LHPP: variants seen among roughly 807,000 people sequenced by gnomAD.
The protein encoded by LHPP is hLHPP.
LHPP carries 24 observed loss-of-function variants against 30.3 expected under a neutral mutation model. The ratio of observed to expected loss-of-function variants is 0.79; its 90% CI spans 0.57 to 1.11. The LOEUF (loss-of-function observed/expected upper bound fraction) is 1.11, where lower values mean the gene tolerates loss of function less well. Ranked by LOEUF, LHPP falls within the 50% of genes most tolerant of loss-of-function variation. The pLI is 0.00. For synonymous variants in LHPP, 150 were observed against 157.1 expected (o/e 0.95, Z 0.34); for missense variants, 356 against 367.2 (o/e 0.97, Z 0.25).
rs1475912927 is a variant in LHPP, at chr10:124,496,979, C to T, written c.486C>T (p.Thr162=). ...SLGKGRYYKE[T]SGLMLDVGPY... is the part of the protein sequence containing the mutation. ...CTCCTAGGCGTTACTACAAGGAGAC[C>T]TCTGGCCTGATGCTGGACGTTGGTC... is the stretch of plus-strand genomic sequence containing the variant. Residue 162 remains threonine (T), a synonymous_variant, in exon 4 of 7, where the codon ACC becomes ACT. Transcript: ENST00000368842. This position sits in a 1 kb window ranked among gnomAD's most constrained non-coding sequence, Gnocchi z 4.3. 2 of 1,614,020 alleles carry T rather than the reference C, an allele frequency of 1.2e-6. No individual in the cohort carries two copies. The highest frequency in any genetic ancestry group is 1.7e-5 in the Admixed American group (1 of 59,998).
intron 6 of LHPP, among the ~76,000 whole-genome samples, chr10:124,578,915 G>T (rs184829120): frequency 1.6e-4 from 24 of 152,178 alleles, no homozygotes; most frequent in African/African-American, 4.6e-4. Context: ...GAGGCCTCAG[G>T]CCTCCCTGGA....
intron 5 of LHPP, among the ~76,000 whole-genome samples, chr10:124,503,577 CA>C (rs1208818918): frequency 6.6e-6 from 1 of 151,946 alleles, no homozygotes; most frequent in Non-Finnish European, 1.5e-5. Context: ...ATTGGCTTAA[CA>C]TTTACATTTG....
At chr10:124,544,944 CTTCCTT>C (rs1351295572) in intron 6 of LHPP, among the ~76,000 whole-genome samples, 2 of 152,194 alleles carry the variant, frequency 1.3e-5, no homozygotes. Context: ...CTGGGTTGGG[CTTCCTT>C]TCTCGGCTTG....
At chr10:124,612,394 C>G (rs1949214166) in intron 6 of LHPP, among the ~76,000 whole-genome samples, 1 of 152,002 alleles carries the variant, frequency 6.6e-6, no homozygotes, top group Non-Finnish European at 1.5e-5. Context: ...AACAGAGTGA[C>G]ACTTGGTCTC....
chr10:124,611,241 A>G (rs563242359), intron 6 of LHPP, among the ~76,000 whole-genome samples: 13 of 152,032 alleles, frequency 8.6e-5, no homozygotes, highest in Non-Finnish European at 1.6e-4. Flanking sequence ...AGCAATGTCC[A>G]GCAGTGGTGG....
chr10:124,477,285 C>T (rs986818549), intron 1 of LHPP, among the ~76,000 whole-genome samples: 2 of 152,162 alleles, frequency 1.3e-5, no homozygotes, highest in African/African-American at 2.4e-5. Context: ...CTACAACCCC[C>T]GGGGAAGGGG....
chr10:124,549,429 C>A (rs1589854897), intron 6 of LHPP, among the ~76,000 whole-genome samples: 1 of 151,174 alleles, frequency 6.6e-6, no homozygotes, highest in Non-Finnish European at 1.5e-5. Context: ...CACAGCAAGA[C>A]CCTGTCTCAA....
chr10:124,505,473 C>T (rs146383666), intron 5 of LHPP, among the ~76,000 whole-genome samples: 2 of 152,264 alleles, frequency 1.3e-5, no homozygotes, highest in Non-Finnish European at 2.9e-5. Flanking sequence ...TTTCAGTCTG[C>T]ACTCAGAATA....
At chr10:124,507,832 A>G (rs1161883774) in intron 5 of LHPP, among the ~76,000 whole-genome samples, 5 of 44,374 alleles carry the variant, frequency 1.1e-4, no homozygotes, top group Admixed American at 6.3e-4. Context: ...TGGAGGGTAG[A>G]CAGGATTTCA....
chr10:124,508,171 C>T (rs570019320), intron 5 of LHPP, among the ~76,000 whole-genome samples: 7 of 152,174 alleles, frequency 4.6e-5, no homozygotes, highest in South Asian at 2.1e-4. Context: ...CACTCCGGCC[C>T]AGTTCTTTCT....
At chr10:124,470,485 A>G (rs1470073352) in intron 1 of LHPP, among the ~76,000 whole-genome samples, 1 of 152,022 alleles carries the variant, frequency 6.6e-6, no homozygotes, top group African/African-American at 2.4e-5. Flanking sequence ...GGATCCTGAT[A>G]AAACGTAGGT....
At chr10:124,477,085 C>T (rs985162980) in intron 1 of LHPP, among the ~76,000 whole-genome samples, 4 of 152,170 alleles carry the variant, frequency 2.6e-5, no homozygotes, top group Admixed American at 6.5e-5. Context: ...CGCCTGTAGT[C>T]CCAACTACTC....
In LHPP at chr10:124,576,588, G is replaced by A. The variant is rs912872034; in HGVS notation, c.717-36676G>A. Among the ~76,000 whole-genome samples, 7 of 143,674 alleles carry A rather than the reference G, an allele frequency of 4.9e-5. No individual in the cohort carries two copies. The highest frequency in any genetic ancestry group is 2.2e-4 in the South Asian group (1 of 4,454). The allele number at this position is 143,674 out of a possible 152,430, so 94.3% of individuals were successfully genotyped here. On this transcript the variant is annotated intron_variant, in intron 6 of 6. Coordinates refer to ENST00000368842, the MANE Select transcript of LHPP (RefSeq NM_022126.4). The surrounding 1 kb of genome is among the most constrained non-coding windows in gnomAD (Gnocchi z 4.2). ...CTTACCCCAGACTCCCCCATATCTCGCCCCCAGACCCTCCTCCATGGTCTG... is the reference window on the plus strand; with the variant it reads ...CTTACCCCAGACTCCCCCATATCTCACCCCCAGACCCTCCTCCATGGTCTG...
Position 124,496,944 on chromosome 10 carries a change from G to C in LHPP, c.468-17G>C. On this transcript the variant is annotated splice_polypyrimidine_tract_variant and intron_variant, in intron 3 of 6. Transcript: ENST00000368842. This position sits in a 1 kb window ranked among gnomAD's most constrained non-coding sequence, Gnocchi z 4.3. ...CCCCGTGCTCAGCATCCCGTGCTCC[G>C]TTCTGCTCTCTCCTAGGCGTTACTA... The C allele has an allele frequency of 6.2e-7, 1 of 1,612,062 alleles. No individual in the cohort carries two copies. The highest frequency in any genetic ancestry group is 8.5e-7 in the Non-Finnish European group (1 of 1,178,962).
In LHPP at chr10:124,613,784, CTT is replaced by C. The variant is rs558916569; in HGVS notation, c.*426_*427del. 2.1e-4 allele frequency: 45 copies of C among 212,764 alleles called. No individual in the cohort carries two copies. The highest frequency in any genetic ancestry group is 8.9e-4 in the Admixed American group (17 of 19,114). The allele number at this position is 212,764 out of a possible 1,614,324, so 13.2% of individuals were successfully genotyped here. ...ATGCCCACTGCCTCCTCTTCAGACT[CTT>C]TGCATTTCAGTGAAGAGCCTGGAAG... On this transcript the variant is annotated 3_prime_UTR_variant, in exon 7 of 7. Coordinates refer to ENST00000368842, the MANE Select transcript of LHPP (RefSeq NM_022126.4).
chr10:124,547,684 C>T (rs904521253), intron 6 of LHPP, among the ~76,000 whole-genome samples: 3 of 152,222 alleles, frequency 2.0e-5, no homozygotes, highest in East Asian at 1.9e-4. Context: ...GGCCCTGCAC[C>T]GCCAGGAGAA....
intron 6 of LHPP, among the ~76,000 whole-genome samples, chr10:124,519,195 G>A (rs1008238909): frequency 7.9e-5 from 12 of 152,130 alleles, no homozygotes; most frequent in South Asian, 4.1e-4. Flanking sequence ...CGAACCACCC[G>A]CCTCTTCCTC....
intron 5 of LHPP, 75 bp downstream of exon 5, chr10:124,498,203 C>T: frequency 1.5e-6 from 2 of 1,325,206 alleles, no homozygotes; most frequent in Non-Finnish European, 2.1e-6. Flanking sequence ...GAATGGATTA[C>T]AGGACTCAGG....
At chr10:124,607,118 G>A (rs1229887153) in intron 6 of LHPP, among the ~76,000 whole-genome samples, 1 of 152,138 alleles carries the variant, frequency 6.6e-6, no homozygotes, top group African/African-American at 2.4e-5. Flanking sequence ...GATGGTCTGC[G>A]GCCCCTCCTG....
Sources: allele counts gnomAD v4.1 joint callset (sites outside exome capture counted in the v4.1 genomes callset), GRCh38; gene constraint gnomAD v4.1.1; non-coding constraint Gnocchi (gnomAD v3.1); transcripts MANE v1.5; gene names NCBI Gene and HGNC (gene_info 2026-07-23, HGNC 2026-07-21).